KIAA0825: variants seen among roughly 807,000 people sequenced by gnomAD.
KIAA0825 encodes the protein uncharacterized protein KIAA0825.
KIAA0825 carries 119 observed loss-of-function variants against 147.6 expected under a neutral mutation model. The ratio of observed to expected loss-of-function variants is 0.81; its 90% CI spans 0.69 to 0.94. The LOEUF (loss-of-function observed/expected upper bound fraction) is 0.94. KIAA0825 is among the 40% of genes least tolerant of loss of function. The probability of loss-of-function intolerance (pLI) is 0.00; values close to 1 mark genes in which losing one functional copy is unlikely to be tolerated. For missense variants in KIAA0825, 1,381 were observed against 1,472.7 expected, an observed-to-expected ratio of 0.94 and a Z score of 1.02; for synonymous variants, 470 against 518.1, an observed-to-expected ratio of 0.91 and a Z score of 1.26.
intron 20 of KIAA0825, among the ~76,000 whole-genome samples, chr5:94,341,400 T>C (rs1408172977): frequency 1.3e-5 from 2 of 152,238 alleles, no homozygotes; most frequent in East Asian, 3.9e-4. Flanking sequence ...CTACCCAGCA[T>C]CATCATCGCT....
intron 20 of KIAA0825, among the ~76,000 whole-genome samples, chr5:94,251,246 T>C (rs951897953): frequency 2.6e-5 from 4 of 152,120 alleles, no homozygotes; most frequent in Admixed American, 6.6e-5. Flanking sequence ...TTTTAGACTG[T>C]GTTCTGTAAA....
At chr5:94,578,748 T>C (rs1037524043) in intron 2 of KIAA0825, among the ~76,000 whole-genome samples, 2 of 152,206 alleles carry the variant, frequency 1.3e-5, no homozygotes, top group African/African-American at 4.8e-5. Context: ...AGGCTGTGCT[T>C]CTCAATTTTT....
At chr5:94,594,881 TA>T (rs1348510293) in intron 1 of KIAA0825, 28,217 of 185,492 alleles carry the variant, frequency 0.15, 150 homozygotes, top group South Asian at 0.27. Flanking sequence ...AAATAGTAGA[TA>T]AAAAAAAAAA....
In KIAA0825 at chr5:94,582,552, CG is replaced by C. The variant is rs1188631061; in HGVS notation, c.-122del. The C allele has an allele frequency of 2.0e-5, 3 of 149,508 alleles. No homozygotes were observed. Among genetic ancestry groups the C allele is most frequent in the African/African-American group, 7.4e-5 (3 of 40,500 alleles). 9.3% of individuals were successfully genotyped at this position (149,508 alleles called of 1,614,324 possible). ...GTCTCTTTTCTAGTAACTTCAGCAA[CG>C]TTTTTTTTTCCCAAAGTATGTAAAA... On this transcript the variant is annotated 5_prime_UTR_variant, in exon 2 of 21. Transcript: ENST00000682413.
At chr5:94,566,311 T>A (rs1188839173) in intron 2 of KIAA0825, among the ~76,000 whole-genome samples, 1 of 152,172 alleles carries the variant, frequency 6.6e-6, no homozygotes, top group Non-Finnish European at 1.5e-5. Flanking sequence ...AATGTCCATA[T>A]AAATTATCAT....
At chr5:94,597,024 C>T (rs1785436179) in intron 1 of KIAA0825, among the ~76,000 whole-genome samples, 1 of 152,092 alleles carries the variant, frequency 6.6e-6, no homozygotes, top group Non-Finnish European at 1.5e-5. Flanking sequence ...CATCTGCAAA[C>T]AGGGATAGTA....
intron 1 of KIAA0825, among the ~76,000 whole-genome samples, chr5:94,583,650 C>A (rs1782675301): frequency 6.6e-6 from 1 of 152,188 alleles, no homozygotes; most frequent in Non-Finnish European, 1.5e-5. Context: ...ACGTCCCTGC[C>A]TGACAGCTCT....
At chr5:94,432,780 C>T (rs906894805) in intron 14 of KIAA0825, among the ~76,000 whole-genome samples, 1 of 152,096 alleles carries the variant, frequency 6.6e-6, no homozygotes, top group Non-Finnish European at 1.5e-5. Context: ...AATCCCAGCA[C>T]TTTGGGAAGC....
At chr5:94,498,181 T>C (rs1166692737) in intron 5 of KIAA0825, among the ~76,000 whole-genome samples, 1 of 152,236 alleles carries the variant, frequency 6.6e-6, no homozygotes, top group African/African-American at 2.4e-5. Flanking sequence ...TTCAAGACTC[T>C]TGTAATCTGT....
intron 5 of KIAA0825, among the ~76,000 whole-genome samples, chr5:94,500,333 C>A (rs1339037550): frequency 6.6e-6 from 1 of 152,024 alleles, no homozygotes; most frequent in African/African-American, 2.4e-5. Context: ...AACATTAAGT[C>A]CAAATGAGAG....
In KIAA0825 at chr5:94,382,536, C is replaced by T. The variant is rs926754091; in HGVS notation, c.3710+1832G>A. Among the ~76,000 whole-genome samples, 97 of 152,238 alleles carry T rather than the reference C, an allele frequency of 6.4e-4. 1 individual carries two copies. Among genetic ancestry groups the T allele is most frequent in the Admixed American group, 6.1e-3 (94 of 15,286 alleles). On this transcript the variant is annotated intron_variant, in intron 20 of 20. Coordinates refer to ENST00000682413, the MANE Select transcript of KIAA0825 (RefSeq NM_001145678.3). ...AATTAGGTTCATCATAGCTCGTGTG[C>T]GGTAGCTTTGCAGTAGAATGATTTT...
chr5:94,342,058 T>C, intron 20 of KIAA0825, among the ~76,000 whole-genome samples: 1 of 151,996 alleles, frequency 6.6e-6, no homozygotes, highest in South Asian at 2.1e-4. Flanking sequence ...TAGCCGGGCG[T>C]GGTGGCAGGC....
At chr5:94,282,967 C>G (rs2150156584) in intron 20 of KIAA0825, among the ~76,000 whole-genome samples, 1 of 151,920 alleles carries the variant, frequency 6.6e-6, no homozygotes, top group African/African-American at 2.4e-5. Flanking sequence ...AAGTTAGCAC[C>G]TAAAATAGAA....
chr5:94,369,150 C>G (rs1032359269), intron 20 of KIAA0825, among the ~76,000 whole-genome samples: 1 of 151,552 alleles, frequency 6.6e-6, no homozygotes, highest in South Asian at 2.1e-4. Flanking sequence ...AGAGTGAGAC[C>G]TAGACAAATA....
intron 19 of KIAA0825, among the ~76,000 whole-genome samples, chr5:94,385,871 G>A (rs1264283100): frequency 6.6e-6 from 1 of 152,058 alleles, no homozygotes; most frequent in Admixed American, 6.6e-5. Flanking sequence ...TGATAAATTC[G>A]TAAAGGTTGC....
intron 20 of KIAA0825, among the ~76,000 whole-genome samples, 189 bp from the exon 21 acceptor site, chr5:94,154,313 G>A (rs1766830548): frequency 1.3e-5 from 2 of 152,160 alleles, no homozygotes; most frequent in South Asian, 4.1e-4. Flanking sequence ...CCAGGAGAGT[G>A]GGAGACAAAA....
At chr5:94,561,545 A>G (rs1209821297) in intron 2 of KIAA0825, among the ~76,000 whole-genome samples, 1 of 152,164 alleles carries the variant, frequency 6.6e-6, no homozygotes, top group Admixed American at 6.5e-5. Context: ...TAGTGTCAGA[A>G]TTGAATTTGA....
intron 1 of KIAA0825, among the ~76,000 whole-genome samples, chr5:94,597,812 G>A (rs576484062): frequency 1.3e-5 from 2 of 152,222 alleles, no homozygotes; most frequent in South Asian, 2.1e-4. Flanking sequence ...GCATATGACT[G>A]TACTAAATAT....
intron 20 of KIAA0825, among the ~76,000 whole-genome samples, chr5:94,302,933 C>T (rs1227645175): frequency 6.6e-6 from 1 of 151,980 alleles, no homozygotes; most frequent in Non-Finnish European, 1.5e-5. Context: ...CAAGCTATGT[C>T]AGGTAACACA....
Sources: allele counts gnomAD v4.1 joint callset (sites outside exome capture counted in the v4.1 genomes callset), GRCh38; gene constraint gnomAD v4.1.1; transcripts MANE v1.5; gene names NCBI Gene and HGNC (gene_info 2026-07-23, HGNC 2026-07-21).